Variants in MACF1 observed in about 807,000 individuals in gnomAD.
MACF1 encodes the protein microtubule-actin cross-linking factor 1.
A neutral mutation model predicts 854.8 loss-of-function variants in MACF1; 193 were observed. The ratio of observed to expected loss-of-function variants is 0.23; its 90% CI spans 0.20 to 0.25. The LOEUF is 0.25. Among genes scored for constraint, MACF1 ranks in the 10% least tolerant of loss-of-function variants. The probability of loss-of-function intolerance (pLI) is 1.00; values close to 1 mark genes in which losing one functional copy is unlikely to be tolerated. For synonymous variants in MACF1, 3,185 were observed against 3,226.7 expected, an observed-to-expected ratio of 0.99 and a Z score of 0.44; for missense variants, 7,722 against 8,929.1, an observed-to-expected ratio of 0.86 and a Z score of 5.45.
chr1:39,111,174 C>T (rs1439912872), intron 2 of MACF1, among the ~76,000 whole-genome samples: 1 of 152,068 alleles, frequency 6.6e-6, no homozygotes, highest in African/African-American at 2.4e-5. Flanking sequence ...ATTTTCTGGC[C>T]TGGTAAATGG....
Position 39,293,333 on chromosome 1 carries a change from G to A in MACF1, c.1993-125G>A, listed in dbSNP as rs1571282293. On this transcript the variant is annotated intron_variant, in intron 17 of 100. Coordinates refer to ENST00000564288, the MANE Select transcript of MACF1 (RefSeq NM_001394062.1). Reference sequence around the variant, plus strand: ...AACTTGTACAAAACTTGAATCCATGGGGAAAAATCCAGAGATTAAGAGCAA... The same window carrying A: ...AACTTGTACAAAACTTGAATCCATGAGGAAAAATCCAGAGATTAAGAGCAA... The A allele has an allele frequency of 5.5e-6, 5 of 901,602 alleles. No individual in the cohort carries two copies. The East Asian group carries it at 1.2e-4, about 22-fold the overall frequency. The allele number at this position is 901,602 out of a possible 1,614,324, so 55.9% of individuals were successfully genotyped here. A position where few individuals can be genotyped will look rare whatever the true frequency, so the allele number is the denominator to read the frequency against.
chr1:39,400,999 C>T (rs1051233818), intron 58 of MACF1, among the ~76,000 whole-genome samples: 3 of 152,116 alleles, frequency 2.0e-5, no homozygotes, highest in Non-Finnish European at 4.4e-5. Context: ...CCTTCCTGAG[C>T]AGTTTTTGTG....
At chr1:39,190,489 C>T (rs1644242453) in intron 2 of MACF1, among the ~76,000 whole-genome samples, 1 of 142,056 alleles carries the variant, frequency 7.0e-6, no homozygotes, top group African/African-American at 2.5e-5. Flanking sequence ...AGATGTGCAT[C>T]CCCACACCCA....
chr1:39,219,473 A>AT (rs908719205), intron 1 of MACF1, among the ~76,000 whole-genome samples: 112 of 152,324 alleles, frequency 7.4e-4, no homozygotes, highest in African/African-American at 2.5e-3. Context: ...ACAGCACCTG[A>AT]TACATAATAA....
rs191257798 is a variant in MACF1, at chr1:39,084,702, A to G, written c.220+264A>G. Reference sequence around the variant, plus strand: ...TCCCTGTCTTTGTCCCCATTCAGTTATATTTTCTATGCAGTTGCCTTCATG... The same window carrying G: ...TCCCTGTCTTTGTCCCCATTCAGTTGTATTTTCTATGCAGTTGCCTTCATG... On this transcript the variant is annotated intron_variant, in intron 2 of 93. Transcript: ENST00000361689. This position sits in a 1 kb window ranked among gnomAD's most constrained non-coding sequence, Gnocchi z 5.2. Among the ~76,000 whole-genome samples, 1 of 152,194 alleles carries G rather than the reference A, an allele frequency of 6.6e-6. No homozygotes were observed. Among genetic ancestry groups the G allele is most frequent in the Non-Finnish European group, 1.5e-5 (1 of 68,034 alleles).
At chr1:39,483,160 C>T (rs1645047614) in intron 99 of MACF1, among the ~76,000 whole-genome samples, 6 of 148,330 alleles carry the variant, frequency 4.0e-5, no homozygotes. Context: ...AGCCTACTAT[C>T]TAAAAAACCA....
intron 21 of MACF1, 83 bp from the exon 22 acceptor site, chr1:39,300,127 G>T (rs1646009988): frequency 7.3e-7 from 1 of 1,366,434 alleles, no homozygotes. Context: ...CTCTGAGGGA[G>T]TGGAGTATTC....
At chr1:39,112,795 G>T (rs1642445515) in intron 2 of MACF1, among the ~76,000 whole-genome samples, 1 of 152,046 alleles carries the variant, frequency 6.6e-6, no homozygotes, top group Non-Finnish European at 1.5e-5. Flanking sequence ...TTAATTCCCT[G>T]TACCTGCCCA....
At chr1:39,352,952 G>A in intron 43 of MACF1, 55 bp from the exon 44 acceptor site, 1 of 1,288,628 alleles carries the variant, frequency 7.8e-7, no homozygotes, top group Non-Finnish European at 1.1e-6. Context: ...TTAACCTGTG[G>A]TTGTATGATT....
At chr1:39,107,199 G>C (rs747271350) in intron 2 of MACF1, among the ~76,000 whole-genome samples, 23 of 152,154 alleles carry the variant, frequency 1.5e-4, no homozygotes, top group Non-Finnish European at 3.1e-4. Context: ...AATAGGTGAA[G>C]AAATCTCAGC....
intron 47 of MACF1, among the ~76,000 whole-genome samples, chr1:39,360,016 T>A (rs12739095): frequency 0.026 from 702 of 26,764 alleles, 15 homozygotes; most frequent in African/African-American, 0.044. Flanking sequence ...AAAAAAAATA[T>A]ATATATATAT....
chr1:39,226,185 GA>G (rs1644713605), intron 1 of MACF1, among the ~76,000 whole-genome samples: 1 of 152,066 alleles, frequency 6.6e-6, no homozygotes, highest in Non-Finnish European at 1.5e-5. Flanking sequence ...TGCCTTTAAT[GA>G]TTATATTCAC....
At chr1:39,436,894 T>C (rs548374364) in intron 70 of MACF1, among the ~76,000 whole-genome samples, 7 of 152,208 alleles carry the variant, frequency 4.6e-5, no homozygotes, top group Non-Finnish European at 1.0e-4. Context: ...AAGAATAAGG[T>C]TAGATTTGGT....
chr1:39,461,783 C>G, intron 92 of MACF1, 100 bp from the exon 93 acceptor site: 4 of 926,218 alleles, frequency 4.3e-6, no homozygotes, highest in Non-Finnish European at 6.3e-6. Context: ...CAGAGCAAGA[C>G]CTTGTCTCAA....
chr1:39,387,638 T>C lies in MACF1; in HGVS notation c.14796T>C (p.Thr4932=). The C allele has an allele frequency of 2.5e-6, 4 of 1,614,172 alleles. No homozygotes were observed. Among genetic ancestry groups the C allele is most frequent in the Non-Finnish European group, 3.4e-6 (4 of 1,180,014 alleles). ...CKAKMSELRV[T]LDPVQLESSL... ...CTAAGATGTCTGAGTTGCGAGTCAC[T>C]CTGGATCCAGTGCAGCTAGAGTCCA... The change falls in exon 58 of 101, where the codon ACT becomes ACC. Residue 4932 remains threonine, a synonymous_variant. Transcript: ENST00000564288.
At chr1:39,134,034 CTTTTTTTTTTTT>C (rs754585049) in intron 2 of MACF1, among the ~76,000 whole-genome samples, 7 of 71,634 alleles carry the variant, frequency 9.8e-5, no homozygotes, top group South Asian at 6.9e-4. Context: ...GAAGAACAGT[CTTTTTTTTTTTT>C]TTTTTTTTTT....
rs372654581 is a variant in MACF1 at position 39,259,687 on chromosome 1, A to G, written c.528+1659A>G. Among the ~76,000 whole-genome samples, 12 of 146,448 alleles carry G rather than the reference A, an allele frequency of 8.2e-5. No individual in the cohort carries two copies. In the East Asian group the frequency reaches 2.1e-3, roughly 26 times the overall value. ...GCCCGGGCTAGAGTGCAATGGTGCAATCTCCGTTCACCGCAACCTCTGCCT... is the reference window on the plus strand; with the variant it reads ...GCCCGGGCTAGAGTGCAATGGTGCAGTCTCCGTTCACCGCAACCTCTGCCT... On this transcript the variant is annotated intron_variant, in intron 6 of 100. Transcript: ENST00000564288.
chr1:39,393,789 AGAGT>A (rs1415514635), intron 58 of MACF1, among the ~76,000 whole-genome samples: 1 of 144,574 alleles, frequency 6.9e-6, no homozygotes, highest in Non-Finnish European at 1.5e-5. Context: ...AGCGTGTAAC[AGAGT>A]GAGACCCTGT....
In MACF1 at chr1:39,316,496, C is replaced by T. The variant is rs1163949770; in HGVS notation, c.3555C>T (p.Leu1185=). The change falls in exon 28 of 101, where the codon CTC becomes CTT. Residue 1185 remains leucine, a synonymous_variant. Coordinates refer to ENST00000564288, the MANE Select transcript of MACF1 (RefSeq NM_001394062.1). ...LSQEEVVLAD[L]SALEAHWSTL... ...AAGAAGAAGTAGTACTGGCAGATCT[C>T]TCAGCTCTGGAGGCCCATTGGTCGA... 1 of 1,613,792 alleles carries T rather than the reference C, an allele frequency of 6.2e-7. No individual in the cohort carries two copies. Among genetic ancestry groups the T allele is most frequent in the Non-Finnish European group, 8.5e-7 (1 of 1,179,806 alleles).
Sources: allele counts gnomAD v4.1 joint callset (sites outside exome capture counted in the v4.1 genomes callset), GRCh38; gene constraint gnomAD v4.1.1; non-coding constraint Gnocchi (gnomAD v3.1); transcripts MANE v1.5; gene names NCBI Gene and HGNC (gene_info 2026-07-23, HGNC 2026-07-21).